Variants in LRMDA observed in about 807,000 individuals in gnomAD.
LRMDA encodes the protein leucine rich melanocyte differentiation associated, also known as leucine-rich melanocyte differentiation-associated protein.
A neutral mutation model predicts 29.8 loss-of-function variants in LRMDA; 18 were observed. The ratio of observed to expected loss-of-function variants is 0.60; its 90% CI spans 0.42 to 0.90. LRMDA has a LOEUF of 0.90. Ranked by LOEUF, LRMDA falls within the 40% of genes least tolerant of loss-of-function variation. The probability of loss-of-function intolerance (pLI) is 0.00; values close to 1 mark genes in which losing one functional copy is unlikely to be tolerated. For synonymous variants in LRMDA, 125 were observed against 109.4 expected (o/e 1.14, Z -0.89); for missense variants, 273 against 273.9 (o/e 1.00, Z 0.02).
chr10:75,809,605 C>T (rs1466950123), intron 2 of LRMDA, among the ~76,000 whole-genome samples: 1 of 152,162 alleles, frequency 6.6e-6, no homozygotes, highest in Non-Finnish European at 1.5e-5. Flanking sequence ...GGTTGTGCCA[C>T]TGCACTCCAG....
At chr10:76,340,769 C>T (rs1046086380) in intron 6 of LRMDA, among the ~76,000 whole-genome samples, 2 of 151,990 alleles carry the variant, frequency 1.3e-5, no homozygotes, top group Non-Finnish European at 2.9e-5. Flanking sequence ...ATGAGATATA[C>T]AACAACAACA....
intron 2 of LRMDA, among the ~76,000 whole-genome samples, chr10:75,650,450 CA>C (rs1384543750): frequency 6.6e-6 from 1 of 151,212 alleles, no homozygotes; most frequent in Non-Finnish European, 1.5e-5. Flanking sequence ...CTTTTAATAA[CA>C]AAATTATTTT....
At position 75,495,358 on chromosome 10, in the gene LRMDA, G is replaced by A. The variant is rs2132064352; in HGVS notation, c.131+56864G>A. Among the ~76,000 whole-genome samples the A allele has an allele frequency of 1.3e-5, 2 of 150,972 alleles. 1 individual carries two copies. The highest frequency in any genetic ancestry group is 6.9e-3 in the Middle Eastern group (2 of 288). On this transcript the variant is annotated intron_variant, in intron 2 of 6. Transcript: ENST00000611255. ...GTTTTTTTTTTCTTCCCCTTTCAAG[G>A]TTTCCCTTGATGTTTGTTTTAACCT...
At chr10:76,058,106 G>A (rs1848645289) in intron 4 of LRMDA, among the ~76,000 whole-genome samples, 1 of 152,172 alleles carries the variant, frequency 6.6e-6, no homozygotes, top group African/African-American at 2.4e-5. Flanking sequence ...GTTAGCAAGT[G>A]TGGAAATAAC....
intron 2 of LRMDA, among the ~76,000 whole-genome samples, chr10:75,834,824 T>C (rs915270735): frequency 2.0e-5 from 3 of 152,172 alleles, no homozygotes; most frequent in Non-Finnish European, 4.4e-5. Context: ...ATTTGGGTAT[T>C]CTCTAAGACA....
chr10:76,172,435 C>T (rs555051468), intron 5 of LRMDA, among the ~76,000 whole-genome samples: 20 of 152,202 alleles, frequency 1.3e-4, no homozygotes, highest in Non-Finnish European at 2.8e-4. Flanking sequence ...AAACAGTCCT[C>T]TGGTCTCCCT....
chr10:76,304,688 T>G (rs557643533), intron 5 of LRMDA, among the ~76,000 whole-genome samples: 5 of 152,304 alleles, frequency 3.3e-5, no homozygotes, highest in African/African-American at 1.2e-4. Context: ...AATTTACCAT[T>G]TAGTATTTAT....
chr10:76,338,157 C>T (rs1027712320), intron 6 of LRMDA, among the ~76,000 whole-genome samples: 4 of 151,464 alleles, frequency 2.6e-5, no homozygotes, highest in African/African-American at 7.3e-5. Context: ...CTATAGATTT[C>T]CTGCAAGATC....
chr10:76,158,558 CA>C (rs1250044793), intron 5 of LRMDA, among the ~76,000 whole-genome samples: 1 of 152,056 alleles, frequency 6.6e-6, no homozygotes, highest in Non-Finnish European at 1.5e-5. Flanking sequence ...TACGAAGAAA[CA>C]ACAAAGAATT....
At chr10:75,548,458 G>A (rs1387694862) in intron 2 of LRMDA, among the ~76,000 whole-genome samples, 2 of 152,056 alleles carry the variant, frequency 1.3e-5, no homozygotes, top group Non-Finnish European at 2.9e-5. Context: ...TAATACTCTG[G>A]GAGTGTAGGA....
chr10:76,123,434 G>A (rs1490014006), intron 5 of LRMDA, among the ~76,000 whole-genome samples: 1 of 152,098 alleles, frequency 6.6e-6, no homozygotes, highest in Non-Finnish European at 1.5e-5. Context: ...ACCTGAGCCT[G>A]GGAGGTCGAG....
chr10:76,492,879 A>G (rs914734189), intron 6 of LRMDA, among the ~76,000 whole-genome samples: 3 of 152,004 alleles, frequency 2.0e-5, no homozygotes, highest in Admixed American at 6.6e-5. Context: ...CAATTCTTCA[A>G]TCATGATTCA....
chr10:76,168,546 A>G (rs33997838), intron 5 of LRMDA, among the ~76,000 whole-genome samples: 27,763 of 152,196 alleles, frequency 0.18, 3,052 homozygotes, highest in East Asian at 0.52. Flanking sequence ...GATCTGAATC[A>G]TCAATTTCAG....
intron 6 of LRMDA, among the ~76,000 whole-genome samples, chr10:76,365,488 C>T (rs1405279749): frequency 1.3e-5 from 2 of 152,058 alleles, no homozygotes; most frequent in Admixed American, 6.6e-5. Flanking sequence ...TTTGCATCTC[C>T]CTAATCATTA....
intron 2 of LRMDA, among the ~76,000 whole-genome samples, chr10:75,556,677 A>G (rs1241067491): frequency 1.3e-5 from 2 of 151,284 alleles, no homozygotes; most frequent in Non-Finnish European, 2.9e-5. Flanking sequence ...TGGAGTTTAC[A>G]GTGTATGCAT....
At chr10:76,183,294 A>G (rs1442867407) in intron 5 of LRMDA, among the ~76,000 whole-genome samples, 2 of 152,202 alleles carry the variant, frequency 1.3e-5, no homozygotes, top group Admixed American at 1.3e-4. Flanking sequence ...TAATTTTTCC[A>G]TGACCCATTT....
intron 5 of LRMDA, among the ~76,000 whole-genome samples, chr10:76,222,565 A>G (rs1851864131): frequency 6.6e-6 from 1 of 152,246 alleles, no homozygotes; most frequent in South Asian, 2.1e-4. Context: ...TCAAAGCCAC[A>G]GTGAGATATC....
chr10:75,796,210 T>G (rs909687252), intron 2 of LRMDA, among the ~76,000 whole-genome samples: 1 of 152,180 alleles, frequency 6.6e-6, no homozygotes, highest in Non-Finnish European at 1.5e-5. Context: ...TGGCCAGAGG[T>G]TCCAGTACAA....
At chr10:76,032,575 G>A (rs1404044930) in intron 2 of LRMDA, among the ~76,000 whole-genome samples, 2 of 152,294 alleles carry the variant, frequency 1.3e-5, no homozygotes, top group Non-Finnish European at 2.9e-5. Flanking sequence ...CCCAGCAGCC[G>A]CTGCAGCTCC....
Sources: allele counts gnomAD v4.1 joint callset (sites outside exome capture counted in the v4.1 genomes callset), GRCh38; gene constraint gnomAD v4.1.1; transcripts MANE v1.5; gene names NCBI Gene and HGNC (gene_info 2026-07-23, HGNC 2026-07-21).